The following RBM33 variants were observed in gnomAD, a reference collection of about 807,000 sequenced individuals.
RBM33 encodes RNA binding motif protein 33, also known as RNA-binding protein 33.
RBM33 carries 28 observed loss-of-function variants against 132.6 expected under a neutral mutation model. The ratio of observed to expected loss-of-function variants is 0.21; its 90% confidence interval spans 0.16 to 0.29. RBM33 has a LOEUF of 0.29. Ranked by LOEUF, RBM33 falls within the 10% of genes least tolerant of loss-of-function variation. RBM33 has a pLI of 1.00. For synonymous variants in RBM33, 634 were observed against 593.0 expected (o/e 1.07, Z -1.01); for missense variants, 1,291 against 1,518.5 (o/e 0.85, Z 2.49).
At chr7:155,763,649 A>G (rs1054470047) in intron 14 of RBM33, among the ~76,000 whole-genome samples, 163 bp from the exon 15 acceptor site, 1 of 152,230 alleles carries the variant, frequency 6.6e-6, no homozygotes, top group African/African-American at 2.4e-5. Flanking sequence ...CCAATGAGAA[A>G]TGTCCTTACT....
At chr7:155,662,756 G>A (rs576121900) in intron 1 of RBM33, among the ~76,000 whole-genome samples, 5 of 152,154 alleles carry the variant, frequency 3.3e-5, no homozygotes, top group Admixed American at 2.0e-4. Flanking sequence ...GAAGAAAGGA[G>A]CCCACATGTC....
intron 1 of RBM33, among the ~76,000 whole-genome samples, chr7:155,657,291 C>T (rs1336948917): frequency 2.6e-5 from 4 of 152,088 alleles, no homozygotes; most frequent in Admixed American, 6.5e-5. Context: ...GGAGTGCCCG[C>T]GCTGATGCAC....
In RBM33 at chr7:155,738,310, G is replaced by T. The variant is rs748327182; in HGVS notation, c.1644G>T (p.Ser548=). The T allele has an allele frequency of 9.3e-6, 15 of 1,613,920 alleles. 1 individual carries two copies. In the South Asian group the frequency reaches 1.6e-4, roughly 18 times the overall value. Residue 548 remains serine, a synonymous_variant, in exon 11 of 18, where the codon TCG becomes TCT. Transcript: ENST00000401878. ...TTCTGCACTTTAGCCAGCCTGGGTC[G>T]GCAACCACACGGCCCTTCATTCCTC... ...VGILHFSQPG[S]ATTRPFIPPR...
chr7:155,693,332 C>CTTTTTTT (rs11417256), intron 5 of RBM33, among the ~76,000 whole-genome samples: 7 of 146,716 alleles, frequency 4.8e-5, no homozygotes, highest in Non-Finnish European at 9.0e-5. Context: ...ATTTTTTTTT[C>CTTTTTTT]TTTTTTTTTT....
intron 7 of RBM33, 69 bp downstream of exon 7, chr7:155,707,137 C>G: frequency 8.0e-7 from 1 of 1,253,368 alleles, no homozygotes; most frequent in South Asian, 1.3e-5. Context: ...TTGTGGGTAT[C>G]CTAGTATACA....
chr7:155,747,335 T>C (rs910467963), intron 14 of RBM33, among the ~76,000 whole-genome samples: 1 of 152,248 alleles, frequency 6.6e-6, no homozygotes, highest in Non-Finnish European at 1.5e-5. Context: ...TCTCATTCTT[T>C]TACTTGTGTT....
intron 9 of RBM33, among the ~76,000 whole-genome samples, chr7:155,727,541 CTG>C (rs746698957): frequency 1.3e-5 from 2 of 152,192 alleles, no homozygotes; most frequent in East Asian, 3.8e-4. Context: ...AAAAGTGACA[CTG>C]TGCGCTTCAT....
intron 14 of RBM33, among the ~76,000 whole-genome samples, chr7:155,758,644 A>G (rs1297824945): frequency 6.6e-6 from 1 of 151,320 alleles, no homozygotes; most frequent in Non-Finnish European, 1.5e-5. Flanking sequence ...AGGTACAAAA[A>G]CTTGTCTTGG....
At chr7:155,683,272 A>G (rs73734196) in intron 5 of RBM33, among the ~76,000 whole-genome samples, 4,725 of 152,296 alleles carry the variant, frequency 0.031, 234 homozygotes, top group African/African-American at 0.11. Context: ...TTGCTCGGCA[A>G]TGGGAGCCTC....
chr7:155,659,293 A>G (rs983147274), intron 1 of RBM33, among the ~76,000 whole-genome samples: 5 of 152,238 alleles, frequency 3.3e-5, no homozygotes, highest in Non-Finnish European at 7.3e-5. Flanking sequence ...GATTTACTAG[A>G]CAGATGCTTT....
chr7:155,662,263 A>G (rs1282946945), intron 1 of RBM33, among the ~76,000 whole-genome samples: 1 of 152,150 alleles, frequency 6.6e-6, no homozygotes, highest in Non-Finnish European at 1.5e-5. Context: ...TTGAATGGAT[A>G]CTGTCCATGG....
chr7:155,780,084 C>T lies in RBM33; in HGVS notation c.*5043C>T, dbSNP rs1802761922. 2 of 152,334 alleles carry T rather than the reference C, an allele frequency of 1.3e-5. No individual in the cohort carries two copies. Among genetic ancestry groups the T allele is most frequent in the Non-Finnish European group, 1.5e-5 (1 of 68,036 alleles). 9.4% of individuals were successfully genotyped at this position (152,334 alleles called of 1,614,324 possible). On this transcript the variant is annotated 3_prime_UTR_variant, in exon 18 of 18. Coordinates refer to ENST00000401878, the MANE Select transcript of RBM33 (RefSeq NM_053043.3). ...TTAATATACTCTAGAAAGTAGACCT[C>T]ATGCATTCTTTTAGCATGATTTTCT...
Position 155,745,138 on chromosome 7 carries a change from C to A in RBM33, c.2515C>A (p.Pro839Thr), listed in dbSNP as rs767507896. The stretch of plus-strand genomic sequence containing the variant: ...ACAGCAGCAGCTGTACGCTCCCCCA[C>A]CCCCAGCAGAGCAGGAAGAGCAGGC... Reference protein sequence around the residue: ...QQQQQLYAPPPPAEQEEQALS... With the variant: ...QQQQQLYAPPTPAEQEEQALS... Residue 839 changes from proline to threonine, a missense_variant, in exon 14 of 18, where the codon CCC (proline) becomes ACC (threonine). Coordinates refer to ENST00000401878, the MANE Select transcript of RBM33 (RefSeq NM_053043.3). This position sits in a 1 kb window ranked among gnomAD's most constrained non-coding sequence, Gnocchi z 4.1. 6.2e-6 allele frequency: 10 copies of A among 1,603,066 alleles called. No homozygotes were observed. In the South Asian group the frequency reaches 1.1e-4, roughly 18 times the overall value.
chr7:155,648,275 T>A (rs1798256977), intron 1 of RBM33, among the ~76,000 whole-genome samples: 1 of 152,238 alleles, frequency 6.6e-6, no homozygotes, highest in Non-Finnish European at 1.5e-5. Flanking sequence ...GATACACTGC[T>A]GGGATGAGTT....
Position 155,713,540 on chromosome 7 carries a change from C to T in RBM33, c.1201+2085C>T, listed in dbSNP as rs866348488. 4.6e-5 allele frequency among the ~76,000 whole-genome samples: 7 copies of T among 151,882 alleles called. 1 individual carries two copies. The highest frequency in any genetic ancestry group is 6.3e-3 in the Middle Eastern group (2 of 316). Reference sequence around the variant, plus strand: ...GAGAGGGAGGAAGGAGGATGACGGTCGATGGGGAAGGAAGCAGGTGGCCAC... The same window carrying T: ...GAGAGGGAGGAAGGAGGATGACGGTTGATGGGGAAGGAAGCAGGTGGCCAC... On this transcript the variant is annotated intron_variant, in intron 8 of 17. Transcript: ENST00000401878.
At chr7:155,680,263 G>A (rs933718108) in intron 4 of RBM33, among the ~76,000 whole-genome samples, 1 of 152,094 alleles carries the variant, frequency 6.6e-6, no homozygotes, top group African/African-American at 2.4e-5. Context: ...TTGGACTTTT[G>A]CCACTCAGAT....
At position 155,700,826 on chromosome 7, in the gene RBM33, A is replaced by G. The variant is rs768319432; in HGVS notation, c.621A>G (p.Glu207=). The G allele has an allele frequency of 1.9e-6, 3 of 1,597,314 alleles. No individual in the cohort carries two copies. The highest frequency in any genetic ancestry group is 2.6e-6 in the Non-Finnish European group (3 of 1,170,724). The change falls in exon 6 of 18, where the codon GAA becomes GAG. Residue 207 remains glutamate (E), a synonymous_variant. Coordinates refer to ENST00000401878, the MANE Select transcript of RBM33 (RefSeq NM_053043.3). ...LQKDIKEESD[E]EEEDDEESGR... Reference sequence around the variant, plus strand: ...AGGACATCAAAGAAGAATCAGATGAAGAAGAAGAAGATGATGAAGAATCTG... The same window carrying G: ...AGGACATCAAAGAAGAATCAGATGAGGAAGAAGAAGATGATGAAGAATCTG...
At chr7:155,685,953 C>G (rs1181714374) in intron 5 of RBM33, among the ~76,000 whole-genome samples, 1 of 152,164 alleles carries the variant, frequency 6.6e-6, no homozygotes, top group Non-Finnish European at 1.5e-5. Context: ...ATGAATAATA[C>G]TATGACAGTC....
chr7:155,654,464 G>A (rs1327036843), intron 1 of RBM33, among the ~76,000 whole-genome samples: 2 of 151,536 alleles, frequency 1.3e-5, no homozygotes, highest in Non-Finnish European at 2.9e-5. Flanking sequence ...GATTTCTTAC[G>A]TTGCTTTTCT....
Sources: gnomAD v4.1 joint callset for allele counts (sites outside exome capture counted in the v4.1 genomes callset) on GRCh38, gnomAD v4.1.1 for gene constraint, Gnocchi (gnomAD v3.1) non-coding constraint, MANE v1.5 for transcripts, NCBI Gene and HGNC (gene_info 2026-07-23, HGNC 2026-07-21) for gene names.